The following GINS4 variants were observed in gnomAD, a reference collection of about 807,000 sequenced individuals.
The protein encoded by GINS4 is GINS complex subunit 4.
GINS4 carries 20 observed loss-of-function variants against 31.1 expected under a neutral mutation model. That is an observed-to-expected ratio of 0.64 (90% CI 0.45 to 0.93). GINS4 has a LOEUF of 0.93. GINS4 is among the 40% of genes least tolerant of loss of function. The pLI, the probability that GINS4 is intolerant of heterozygous loss-of-function variation, is 0.00. For missense variants in GINS4, 245 were observed against 273.9 expected (o/e 0.89, Z 0.75); for synonymous variants, 85 against 97.9 (o/e 0.87, Z 0.78).
intron 2 of GINS4, among the ~76,000 whole-genome samples, chr8:41,535,886 A>G (rs931869101): frequency 1.3e-5 from 2 of 152,234 alleles, no homozygotes; most frequent in African/African-American, 2.4e-5. Flanking sequence ...GAGGATAACT[A>G]TATCCATTTT....
intron 2 of GINS4, among the ~76,000 whole-genome samples, chr8:41,533,082 C>T (rs1428593074): frequency 1.3e-5 from 2 of 152,008 alleles, no homozygotes; most frequent in Non-Finnish European, 2.9e-5. Flanking sequence ...CCTAGACAAC[C>T]GTAAACAAAT....
rs1334596597 is a variant in GINS4 at position 41,545,021 on chromosome 8, A to T, written c.*2934A>T. 1.3e-5 allele frequency: 2 copies of T among 152,238 alleles called. No individual in the cohort carries two copies. Among genetic ancestry groups the T allele is most frequent in the Non-Finnish European group, 2.9e-5 (2 of 68,044 alleles). 9.4% of individuals were successfully genotyped at this position (152,238 alleles called of 1,614,324 possible). On this transcript the variant is annotated 3_prime_UTR_variant, in exon 8 of 8. Transcript: ENST00000276533. ...TCATTTTTAAATAAAGGAGAAGTTGAATTTCAAAACCAAGTGGAACAGGAA... is the reference window on the plus strand; with the variant it reads ...TCATTTTTAAATAAAGGAGAAGTTGTATTTCAAAACCAAGTGGAACAGGAA...
chr8:41,540,226 A>T (rs1470832455), intron 6 of GINS4, among the ~76,000 whole-genome samples: 1 of 152,204 alleles, frequency 6.6e-6, no homozygotes, highest in Non-Finnish European at 1.5e-5. Context: ...GCTGAGCCCC[A>T]TGACTGCACT....
In GINS4 at chr8:41,539,775, A is replaced by G. The variant is rs1280644923; in HGVS notation, c.395A>G (p.Glu132Gly). The stretch of plus-strand genomic sequence containing the variant: ...CCGGAAGAGTTGGCCTTTGCCAGAG[A>G]GTGAGTGAGTGAGCCGTTGGCGTGG... ...LSPEELAFAR[E>G]FMANTESYLK... The change falls in exon 5 of 8, where the codon GAG becomes GGG. Residue 132 changes from glutamate to glycine, a missense_variant and splice_region_variant. Physicochemically the swap from Glu to Gly is moderately conservative, Grantham distance 98. Coordinates refer to ENST00000276533, the MANE Select transcript of GINS4 (RefSeq NM_032336.3). 3 of 1,611,776 alleles carry G rather than the reference A, an allele frequency of 1.9e-6. No homozygotes were observed. Among genetic ancestry groups the G allele is most frequent in the East Asian group, 2.2e-5 (1 of 44,854 alleles).
Position 41,530,240 on chromosome 8 carries a change from A to C in GINS4, c.38A>C (p.Asp13Ala). The part of the protein sequence containing the change: ...EEVDFLGQDS[D>A]GGSEEVVLTP... ...GTGGATTTCCTGGGACAGGACTCTG[A>C]TGGGGGTAGTGAGGAAGTGGTCCTA... The change falls in exon 2 of 8, where the codon GAT becomes GCT. Residue 13 changes from aspartate to alanine, a missense_variant. Coordinates refer to ENST00000276533, the MANE Select transcript of GINS4 (RefSeq NM_032336.3). 6.2e-7 allele frequency: 1 copy of C among 1,614,050 alleles called. No individual in the cohort carries two copies. Among genetic ancestry groups the C allele is most frequent in the Non-Finnish European group, 8.5e-7 (1 of 1,179,928 alleles).
chr8:41,530,117 T>C (rs1334203010), intron 1 of GINS4, 67 bp from the exon 2 acceptor site: 5 of 1,021,790 alleles, frequency 4.9e-6, no homozygotes, highest in East Asian at 2.5e-5. Context: ...TTTCTCCAGA[T>C]AGATGTCTGT....
chr8:41,529,526 C>G (rs928871670), intron 1 of GINS4, 130 bp downstream of exon 1: 1 of 152,394 alleles, frequency 6.6e-6, no homozygotes, highest in Admixed American at 6.5e-5. Context: ...CCATCCACCT[C>G]CTTAGGCCTT....
rs1414575447 is a variant in GINS4 at position 41,543,875 on chromosome 8, T to G, written c.*1788T>G. 3 of 152,022 alleles carry G rather than the reference T, an allele frequency of 2.0e-5. No homozygotes were observed. The highest frequency in any genetic ancestry group is 2.9e-5 in the Non-Finnish European group (2 of 68,004). 9.4% of individuals were successfully genotyped at this position (152,022 alleles called of 1,614,324 possible). ...TGCACACCACCACACCCAACTAATTTTTTGTATTTTTAGTAGAGATGGGGT... is the reference window on the plus strand; with the variant it reads ...TGCACACCACCACACCCAACTAATTGTTTGTATTTTTAGTAGAGATGGGGT... On this transcript the variant is annotated 3_prime_UTR_variant, in exon 8 of 8. Transcript: ENST00000276533.
Position 41,534,229 on chromosome 8 carries a change from C to A in GINS4, c.97-2131C>A, listed in dbSNP as rs76254738. On this transcript the variant is annotated intron_variant, in intron 2 of 7. Transcript: ENST00000276533. Reference sequence around the variant, plus strand: ...GACCACTGTAGGCAACATGGTAAAACCCCATCTTTATTAAAAAAAATTTAA... The same window carrying A: ...GACCACTGTAGGCAACATGGTAAAAACCCATCTTTATTAAAAAAAATTTAA... The A allele has an allele frequency of 2.6e-3, 1,107 of 421,874 alleles. 33 individuals are homozygous for A. The East Asian group carries it at 0.07, about 27-fold the overall frequency. The allele number at this position is 421,874 out of a possible 1,614,324, so 26.1% of individuals were successfully genotyped here.
chr8:41,536,303 T>G (rs1460399228), intron 2 of GINS4, 57 bp from the exon 3 acceptor site: 1 of 1,045,568 alleles, frequency 9.6e-7, no homozygotes, highest in African/African-American at 1.6e-5. Context: ...GCTGACTCAC[T>G]GGGTTGTTTA....
At chr8:41,530,780 C>A (rs1585617954) in intron 2 of GINS4, among the ~76,000 whole-genome samples, 2 of 116,470 alleles carry the variant, frequency 1.7e-5, no homozygotes, top group Admixed American at 8.6e-5. Flanking sequence ...TGAAATATTT[C>A]TCCTTTAAGT....
intron 2 of GINS4, among the ~76,000 whole-genome samples, chr8:41,531,575 T>C (rs1318776232): frequency 2.6e-5 from 4 of 152,230 alleles, no homozygotes; most frequent in African/African-American, 9.6e-5. Flanking sequence ...ATCCTTACTA[T>C]TTAGCAGTGA....
intron 2 of GINS4, among the ~76,000 whole-genome samples, chr8:41,533,582 G>T (rs1806686240): frequency 6.6e-6 from 1 of 152,202 alleles, no homozygotes; most frequent in Non-Finnish European, 1.5e-5. Flanking sequence ...ATGCTGTGTG[G>T]CACAGCCAAA....
chr8:41,544,485 A>G lies in GINS4; in HGVS notation c.*2398A>G, dbSNP rs1485295165. On this transcript the variant is annotated 3_prime_UTR_variant, in exon 8 of 8. Coordinates refer to ENST00000276533, the MANE Select transcript of GINS4 (RefSeq NM_032336.3). ...GTGCTTCCTAAGCCTTAATGTGCAT[A>G]CCCATCGCCTGGAGCTCGCCTTAAG... The G allele has an allele frequency of 6.6e-6, 1 of 152,152 alleles. No individual in the cohort carries two copies. The highest frequency in any genetic ancestry group is 1.5e-5 in the Non-Finnish European group (1 of 68,034). 9.4% of individuals were successfully genotyped at this position (152,152 alleles called of 1,614,324 possible).
chr8:41,542,108 G>A lies in GINS4; in HGVS notation c.*21G>A, dbSNP rs371762239. 9 of 1,578,104 alleles carry A rather than the reference G, an allele frequency of 5.7e-6. No homozygotes were observed. The highest frequency in any genetic ancestry group is 7.0e-6 in the Non-Finnish European group (8 of 1,147,702). Reference sequence around the variant, plus strand: ...TTTAAAACTAGGCATAAACAGCCAGGCATGGTGACTCAAGCCTGTAATCCC... The same window carrying A: ...TTTAAAACTAGGCATAAACAGCCAGACATGGTGACTCAAGCCTGTAATCCC... On this transcript the variant is annotated 3_prime_UTR_variant, in exon 8 of 8. Transcript: ENST00000276533.
Position 41,542,284 on chromosome 8 carries a change from C to T in GINS4, c.*197C>T, listed in dbSNP as rs565064639. 2.8e-4 allele frequency: 161 copies of T among 568,974 alleles called. No individual in the cohort carries two copies. Among genetic ancestry groups the T allele is most frequent in the Admixed American group, 4.4e-4 (16 of 36,094 alleles). The allele number at this position is 568,974 out of a possible 1,614,324, so 35.2% of individuals were successfully genotyped here. The stretch of plus-strand genomic sequence containing the variant: ...CTGTAATCCCAGCTACTCAGGAGGC[C>T]GGGGCAGGAGAATCGCTTGAACCTG... On this transcript the variant is annotated 3_prime_UTR_variant, in exon 8 of 8. Transcript: ENST00000276533.
At chr8:41,530,129 C>G (rs1168383246) in intron 1 of GINS4, 55 bp from the exon 2 acceptor site, 11 of 1,129,454 alleles carry the variant, frequency 9.7e-6, no homozygotes, top group Non-Finnish European at 1.5e-5. Flanking sequence ...GATGTCTGTT[C>G]TTGCAGATAA....
chr8:41,533,384 A>G (rs1022121141), intron 2 of GINS4, among the ~76,000 whole-genome samples: 2 of 152,198 alleles, frequency 1.3e-5, no homozygotes, highest in African/African-American at 4.8e-5. Context: ...TTTTCAAGTG[A>G]GCATCATCGG....
chr8:41,539,582 C>T, intron 4 of GINS4, 96 bp from the exon 5 acceptor site: 3 of 851,786 alleles, frequency 3.5e-6, no homozygotes, highest in South Asian at 1.5e-5. Context: ...ACATGTCCTT[C>T]CTCGGGAGGG....
Sources: gnomAD v4.1 joint callset for allele counts (sites outside exome capture counted in the v4.1 genomes callset) on GRCh38, gnomAD v4.1.1 for gene constraint, MANE v1.5 for transcripts, NCBI Gene and HGNC (gene_info 2026-07-23, HGNC 2026-07-21) for gene names.